SLC5A8: variants seen among roughly 807,000 people sequenced by gnomAD.
The protein encoded by SLC5A8 is solute carrier family 5 member 8, also known as sodium-coupled monocarboxylate transporter 1.
A neutral mutation model predicts 71.9 loss-of-function variants in SLC5A8; 55 were observed. That is an observed-to-expected ratio of 0.77 (90% CI 0.62 to 0.96). The LOEUF (loss-of-function observed/expected upper bound fraction) is 0.96, where lower values mean the gene tolerates loss of function less well. Among genes scored for constraint, SLC5A8 ranks in the 40% least tolerant of loss-of-function variants. SLC5A8 has a pLI of 0.00. For synonymous variants in SLC5A8, 307 were observed against 276.1 expected, an observed-to-expected ratio of 1.11 and a Z score of -1.11; for missense variants, 701 against 745.3, an observed-to-expected ratio of 0.94 and a Z score of 0.69.
At chr12:101,190,331 G>T (rs1868839422) in intron 6 of SLC5A8, 137 bp downstream of exon 6, 1 of 950,418 alleles carries the variant, frequency 1.1e-6, no homozygotes, top group South Asian at 1.8e-5. Context: ...TGGTCCTTTT[G>T]TAACCAAATA....
At chr12:101,190,656 A>G in intron 5 of SLC5A8, 48 bp from the exon 6 acceptor site, 1 of 1,497,420 alleles carries the variant, frequency 6.7e-7, no homozygotes, top group African/African-American at 1.4e-5. Context: ...AGCAGAGACT[A>G]AAAAAAATTC....
At chr12:101,199,172 A>C (rs1869327345) in intron 3 of SLC5A8, 3 of 152,152 alleles carry the variant, frequency 2.0e-5, no homozygotes, top group Non-Finnish European at 2.9e-5. Flanking sequence ...ACAATTATCT[A>C]GGAATAAATC....
chr12:101,178,152 T>C (rs2051898480), intron 10 of SLC5A8, among the ~76,000 whole-genome samples: 1 of 152,136 alleles, frequency 6.6e-6, no homozygotes, highest in South Asian at 2.1e-4. Flanking sequence ...ACGATTTGCA[T>C]AGAAAAGCTA....
intron 4 of SLC5A8, among the ~76,000 whole-genome samples, chr12:101,194,512 C>T (rs984136264): frequency 3.9e-5 from 6 of 152,158 alleles, no homozygotes; most frequent in African/African-American, 7.2e-5. Context: ...GCTGCCCAAG[C>T]GGGAGTGCGG....
chr12:101,178,974 T>C (rs976954615), intron 10 of SLC5A8, among the ~76,000 whole-genome samples: 3 of 151,824 alleles, frequency 2.0e-5, no homozygotes, highest in African/African-American at 4.8e-5. Flanking sequence ...AAGCAAACAA[T>C]TGAATTAGAA....
chr12:101,206,122 T>C (rs1321645846), intron 1 of SLC5A8, among the ~76,000 whole-genome samples: 7 of 152,162 alleles, frequency 4.6e-5, no homozygotes, highest in African/African-American at 1.7e-4. Flanking sequence ...GTGACATAAA[T>C]GGATGGGGAA....
At chr12:101,170,526 C>T (rs2051818917) in intron 10 of SLC5A8, among the ~76,000 whole-genome samples, 1 of 151,990 alleles carries the variant, frequency 6.6e-6, no homozygotes, top group African/African-American at 2.4e-5. Flanking sequence ...AAGAAGCCAG[C>T]CAGCCTGGAA....
chr12:101,175,803 C>T (rs961197165), intron 10 of SLC5A8, among the ~76,000 whole-genome samples: 3 of 151,848 alleles, frequency 2.0e-5, no homozygotes, highest in African/African-American at 4.8e-5. Flanking sequence ...CAAAAATATC[C>T]TTTGGGGATA....
chr12:101,184,309 T>TTCAGTTCCCGAAGGAGA, intron 7 of SLC5A8, 87 bp from the exon 8 acceptor site: 1 of 1,110,958 alleles, frequency 9.0e-7, no homozygotes, highest in Non-Finnish European at 1.3e-6. Context: ...CTTGTCTCCT[T>TTCAGTTCCCGAAGGAGA]CGGGAACTGA....
At chr12:101,191,108 A>ATGCAGTTTCAAGTTT (rs1482756281) in intron 5 of SLC5A8, among the ~76,000 whole-genome samples, 1 of 152,210 alleles carries the variant, frequency 6.6e-6, no homozygotes, top group Admixed American at 6.5e-5. Flanking sequence ...CAGTCAATTA[A>ATGCAGTTTCAAGTTT]TGCAGTTTCA....
At chr12:101,199,396 G>T (rs1022434136) in intron 3 of SLC5A8, 3 of 151,932 alleles carry the variant, frequency 2.0e-5, no homozygotes, top group Admixed American at 6.6e-5. Flanking sequence ...ATTTTTAAAG[G>T]CCTAGGTAAA....
chr12:101,202,005 G>C (rs186983811), intron 3 of SLC5A8, among the ~76,000 whole-genome samples, 159 bp downstream of exon 3: 281 of 152,316 alleles, frequency 1.8e-3, no homozygotes, highest in African/African-American at 6.3e-3. Context: ...ACCCAAAGAA[G>C]CTAGTGTAGA....
intron 3 of SLC5A8, among the ~76,000 whole-genome samples, chr12:101,198,290 GA>G (rs1191601305): frequency 6.6e-6 from 1 of 151,408 alleles, no homozygotes; most frequent in East Asian, 1.9e-4. Flanking sequence ...TAGAAGAAAA[GA>G]AACAATAAAT....
intron 1 of SLC5A8, among the ~76,000 whole-genome samples, chr12:101,206,780 T>C (rs2137173674): frequency 6.6e-6 from 1 of 152,356 alleles, no homozygotes; most frequent in Non-Finnish European, 1.5e-5. Context: ...AGCAACTCAA[T>C]TTAAAACACA....
intron 5 of SLC5A8, among the ~76,000 whole-genome samples, chr12:101,190,994 C>T (rs560083153): frequency 1.5e-4 from 23 of 152,074 alleles, no homozygotes; most frequent in Admixed American, 4.6e-4. Context: ...CCACAGCAGA[C>T]GAGATGGCAC....
At position 101,193,786 on chromosome 12, in the gene SLC5A8, G is replaced by GGGGAAAGTA; in HGVS notation, c.538-16_538-8dup. On this transcript the variant is annotated splice_polypyrimidine_tract_variant and splice_region_variant and intron_variant, in intron 4 of 14. Transcript: ENST00000536262. Reference sequence around the variant, plus strand: ...TAACTGCTTTAAGACCACCCTTTGAGGGGAAAGTATATTAGGATTAATGCT... The same window carrying GGGGAAAGTA: ...TAACTGCTTTAAGACCACCCTTTGAGGGGAAAGTAGGGAAAGTATATTAGGATTAATGCT... 1 of 1,613,636 alleles carries GGGGAAAGTA rather than the reference G, an allele frequency of 6.2e-7. No homozygotes were observed. The highest frequency in any genetic ancestry group is 1.1e-5 in the South Asian group (1 of 90,984).
At chr12:101,183,059 T>C (rs1868441646) in intron 8 of SLC5A8, 144 bp from the exon 9 acceptor site, 1 of 474,844 alleles carries the variant, frequency 2.1e-6, no homozygotes, top group Admixed American at 4.6e-5. Context: ...TTTTTTTTTT[T>C]TTTTGAGACG....
Position 101,157,210 on chromosome 12 carries a change from T to C in SLC5A8, c.*69A>G. ...CACACACACACACACAAAGAAAACC[T>C]GATCCAATTATCTTAGAAAACATAT... On this transcript the variant is annotated 3_prime_UTR_variant, in exon 15 of 15. Transcript: ENST00000536262. The C allele has an allele frequency of 6.4e-7, 1 of 1,562,414 alleles. No homozygotes were observed. The highest frequency in any genetic ancestry group is 8.7e-7 in the Non-Finnish European group (1 of 1,148,844).
At chr12:101,170,917 G>A (rs1353309637) in intron 10 of SLC5A8, among the ~76,000 whole-genome samples, 1 of 152,104 alleles carries the variant, frequency 6.6e-6, no homozygotes, top group Non-Finnish European at 1.5e-5. Context: ...AGCTTCCCAG[G>A]GAAGCCTCTT....
Sources: gnomAD v4.1 joint callset for allele counts (sites outside exome capture counted in the v4.1 genomes callset) on GRCh38, gnomAD v4.1.1 for gene constraint, MANE v1.5 for transcripts, NCBI Gene and HGNC (gene_info 2026-07-23, HGNC 2026-07-21) for gene names.